DIP2C: variants seen among roughly 807,000 people sequenced by gnomAD.
The protein encoded by DIP2C is disco-interacting protein 2 homolog C.
In DIP2C, 33 loss-of-function variants were observed where a neutral mutation model predicts 192.4. The observed-to-expected ratio is 0.17, with a 90% CI of 0.13 to 0.23. The LOEUF is 0.23. Ranked by LOEUF, DIP2C falls within the 10% of genes least tolerant of loss-of-function variation. The pLI is 1.00. For synonymous variants in DIP2C, 979 were observed against 864.1 expected (o/e 1.13, Z -2.33); for missense variants, 1,537 against 2,110.1 (o/e 0.73, Z 5.32).
intron 32 of DIP2C, among the ~76,000 whole-genome samples, chr10:307,834 GCA>G (rs1160485896): frequency 6.6e-6 from 1 of 151,686 alleles, no homozygotes; most frequent in Admixed American, 6.6e-5. Flanking sequence ...GCGGGGCCCG[GCA>G]CACAGTCCAT....
At chr10:649,901 G>T in intron 1 of DIP2C, 3 of 575,830 alleles carry the variant, frequency 5.2e-6, no homozygotes, top group Non-Finnish European at 9.3e-6. Flanking sequence ...GTGGGGGGGT[G>T]CCCGTCACCT....
chr10:672,425 G>A (rs1055835911), intron 1 of DIP2C, among the ~76,000 whole-genome samples: 4 of 152,160 alleles, frequency 2.6e-5, no homozygotes, highest in Admixed American at 2.6e-4. Context: ...GGGACTCCCC[G>A]CCCCAGAGCA....
At chr10:593,485 A>ACCCCCCCCCCCCCCCCCC (rs10563749) in intron 1 of DIP2C, among the ~76,000 whole-genome samples, 3 of 64,190 alleles carry the variant, frequency 4.7e-5, no homozygotes, top group African/African-American at 6.4e-5. Flanking sequence ...CCCACGCGGG[A>ACCCCCCCCCCCCCCCCCC]CCCCCCCCCC....
At chr10:532,666 TGTGAGAGAGAGTATGG>T (rs1399229998) in intron 1 of DIP2C, among the ~76,000 whole-genome samples, 12 of 94,710 alleles carry the variant, frequency 1.3e-4, no homozygotes, top group African/African-American at 4.2e-4. Flanking sequence ...AGAGTATGGG[TGTGAGAGAGAGTATGG>T]GTGTGAGAGA....
At chr10:511,077 C>T (rs1845982596) in intron 1 of DIP2C, among the ~76,000 whole-genome samples, 2 of 152,324 alleles carry the variant, frequency 1.3e-5, no homozygotes, top group South Asian at 2.1e-4. Flanking sequence ...TCTTTCTTGC[C>T]ATGCTCAATA....
intron 1 of DIP2C, among the ~76,000 whole-genome samples, chr10:660,935 G>A (rs528665669): frequency 4.3e-4 from 65 of 152,274 alleles, no homozygotes; most frequent in Non-Finnish European, 7.2e-4. Flanking sequence ...TCCAAATGCC[G>A]TAACACAAGT....
Position 345,114 on chromosome 10 carries a change from G to C in DIP2C, c.3232-4C>G, listed in dbSNP as rs1958371587. On this transcript the variant is annotated splice_polypyrimidine_tract_variant and splice_region_variant and intron_variant, in intron 26 of 36. Coordinates refer to ENST00000280886, the MANE Select transcript of DIP2C (RefSeq NM_014974.3). ...TCAGACAGGCAGAGCGACTCACCTG[G>C]CATCAGAGAGCGAGAATGGAGCCAT... The C allele has an allele frequency of 6.2e-7, 1 of 1,608,808 alleles. No homozygotes were observed. Among genetic ancestry groups the C allele is most frequent in the Non-Finnish European group, 8.5e-7 (1 of 1,178,834 alleles).
At chr10:472,831 C>A (rs112321667) in intron 2 of DIP2C, among the ~76,000 whole-genome samples, 12 of 152,200 alleles carry the variant, frequency 7.9e-5, no homozygotes, top group African/African-American at 2.2e-4. Flanking sequence ...CAGGTGGCAA[C>A]TGAATTCCTG....
intron 1 of DIP2C, among the ~76,000 whole-genome samples, chr10:535,684 T>C (rs1340291330): frequency 6.6e-6 from 1 of 152,200 alleles, no homozygotes; most frequent in Non-Finnish European, 1.5e-5. Flanking sequence ...GATGCAATGT[T>C]ACAGTCTGAT....
At chr10:428,275 C>G (rs929404900) in intron 4 of DIP2C, among the ~76,000 whole-genome samples, 17 of 151,594 alleles carry the variant, frequency 1.1e-4, no homozygotes, top group African/African-American at 4.2e-4. Flanking sequence ...ATAGAGCTAA[C>G]CTTTCATCTG....
intron 17 of DIP2C, among the ~76,000 whole-genome samples, chr10:382,226 AAAAT>A (rs1261078476): frequency 6.6e-6 from 1 of 152,220 alleles, no homozygotes; most frequent in Non-Finnish European, 1.5e-5. Flanking sequence ...AGACAATGAA[AAAAT>A]AAATATACCA....
chr10:510,122 G>A (rs948454145), intron 1 of DIP2C, among the ~76,000 whole-genome samples: 3 of 152,304 alleles, frequency 2.0e-5, no homozygotes, highest in African/African-American at 2.4e-5. Flanking sequence ...TGGGGGACCC[G>A]TACAACACGC....
intron 24 of DIP2C, among the ~76,000 whole-genome samples, chr10:350,217 G>A (rs1958723901): frequency 6.6e-6 from 1 of 152,112 alleles, no homozygotes; most frequent in South Asian, 2.1e-4. Context: ...AAGTAGCTGG[G>A]ACTACAGGTG....
intron 3 of DIP2C, among the ~76,000 whole-genome samples, chr10:456,225 G>T (rs1969280969): frequency 7.9e-6 from 1 of 126,290 alleles, no homozygotes; most frequent in Non-Finnish European, 1.7e-5. Flanking sequence ...GTGAGTCCCT[G>T]CCTGAGGGGA....
At chr10:336,303 G>A (rs184929967) in intron 29 of DIP2C, among the ~76,000 whole-genome samples, 30 of 150,888 alleles carry the variant, frequency 2.0e-4, no homozygotes, top group Non-Finnish European at 3.2e-4. Context: ...AGCCTGTAAC[G>A]AAGCTGAAAA....
At chr10:361,416 C>T (rs544667168) in intron 22 of DIP2C, among the ~76,000 whole-genome samples, 13 of 152,150 alleles carry the variant, frequency 8.5e-5, no homozygotes, top group East Asian at 5.8e-4. Flanking sequence ...TGGGTTTTCC[C>T]GGTCACTGGG....
intron 1 of DIP2C, among the ~76,000 whole-genome samples, chr10:658,541 C>T (rs919877847): frequency 5.3e-5 from 8 of 152,262 alleles, no homozygotes; most frequent in African/African-American, 1.7e-4. Flanking sequence ...ATTCAGTGGG[C>T]AGTCAGTGAC....
At chr10:457,150 A>G (rs1969368371) in intron 3 of DIP2C, among the ~76,000 whole-genome samples, 1 of 152,182 alleles carries the variant, frequency 6.6e-6, no homozygotes, top group Non-Finnish European at 1.5e-5. Flanking sequence ...TTTTTGCTCA[A>G]GAGGACAAGC....
chr10:392,892 CCACA>C (rs10543844), intron 10 of DIP2C, among the ~76,000 whole-genome samples: 148,808 of 151,956 alleles, frequency 0.98, 72,901 homozygotes, highest in Non-Finnish European at 1. Context: ...ACACACGTGC[CCACA>C]CACAGGCGCG....
Sources: gnomAD v4.1 joint callset for allele counts (sites outside exome capture counted in the v4.1 genomes callset) on GRCh38, gnomAD v4.1.1 for gene constraint, MANE v1.5 for transcripts, NCBI Gene and HGNC (gene_info 2026-07-23, HGNC 2026-07-21) for gene names.